TRPM3: variants seen among roughly 807,000 people sequenced by gnomAD.
TRPM3 encodes the protein long transient receptor potential channel 3.
A neutral mutation model predicts 181.2 loss-of-function variants in TRPM3; 77 were observed. The observed-to-expected ratio is 0.42, with a 90% CI of 0.35 to 0.51. The LOEUF is 0.51. TRPM3 is among the 20% of genes least tolerant of loss of function. The pLI is 0.01. For missense variants in TRPM3, 1,759 were observed against 2,196.7 expected, an observed-to-expected ratio of 0.80 and a Z score of 3.98; for synonymous variants, 745 against 796.4, an observed-to-expected ratio of 0.94 and a Z score of 1.09.
intron 1 of TRPM3, among the ~76,000 whole-genome samples, chr9:70,891,241 T>C (rs1589573236): frequency 2.0e-5 from 3 of 151,778 alleles, no homozygotes; most frequent in South Asian, 4.2e-4. Flanking sequence ...TGCATAGTCA[T>C]AGAAAATAAA....
intron 1 of TRPM3, among the ~76,000 whole-genome samples, chr9:71,184,890 C>T (rs1429762922): frequency 6.6e-6 from 1 of 152,094 alleles, no homozygotes; most frequent in Non-Finnish European, 1.5e-5. Flanking sequence ...GTTTGTTTCA[C>T]TCTTATAATA....
intron 1 of TRPM3, among the ~76,000 whole-genome samples, chr9:71,437,316 A>C (rs1414858383): frequency 6.6e-6 from 1 of 152,244 alleles, no homozygotes; most frequent in Non-Finnish European, 1.5e-5. Flanking sequence ...CAAACTCCAA[A>C]TAAAGGCCAG....
chr9:70,661,786 A>C (rs2061171056), intron 9 of TRPM3, among the ~76,000 whole-genome samples: 1 of 152,168 alleles, frequency 6.6e-6, no homozygotes, highest in African/African-American at 2.4e-5. Context: ...TGAAATAAAC[A>C]AATGGAAATA....
chr9:70,996,601 G>T (rs1429504790), intron 1 of TRPM3, among the ~76,000 whole-genome samples: 2 of 152,190 alleles, frequency 1.3e-5, no homozygotes, highest in Non-Finnish European at 2.9e-5. Flanking sequence ...TGGCTAAATC[G>T]CAATGTTAAA....
intron 21 of TRPM3, among the ~76,000 whole-genome samples, chr9:70,597,145 C>G (rs538521063): frequency 6.6e-6 from 1 of 152,106 alleles, no homozygotes; most frequent in Admixed American, 6.5e-5. Context: ...GTTGGTCAGG[C>G]TGGTCTCGAA....
At chr9:71,165,300 A>G (rs926681555) in intron 1 of TRPM3, among the ~76,000 whole-genome samples, 1 of 152,048 alleles carries the variant, frequency 6.6e-6, no homozygotes, top group Non-Finnish European at 1.5e-5. Context: ...CCTGGTCTAT[A>G]GATAGTAAGC....
At chr9:70,540,231 A>C (rs926143717) in intron 25 of TRPM3, among the ~76,000 whole-genome samples, 1 of 152,236 alleles carries the variant, frequency 6.6e-6, no homozygotes, top group Non-Finnish European at 1.5e-5. Flanking sequence ...TTTGCTTAAC[A>C]TACTTTAGGT....
intron 1 of TRPM3, among the ~76,000 whole-genome samples, chr9:71,270,521 G>T (rs2083711048): frequency 1.3e-5 from 2 of 152,076 alleles, no homozygotes; most frequent in Non-Finnish European, 2.9e-5. Flanking sequence ...CAACACCCAG[G>T]TTCCCCTGCC....
chr9:70,865,766 G>C (rs1289878139), intron 1 of TRPM3, among the ~76,000 whole-genome samples: 1 of 152,038 alleles, frequency 6.6e-6, no homozygotes, highest in Non-Finnish European at 1.5e-5. Context: ...ATTTTACAAG[G>C]AGCAACATGA....
intron 1 of TRPM3, among the ~76,000 whole-genome samples, chr9:71,134,890 AC>A (rs1183270079): frequency 2.0e-5 from 3 of 152,218 alleles, no homozygotes; most frequent in Non-Finnish European, 4.4e-5. Context: ...AGAGCTGTCC[AC>A]CTGGTACTAA....
intron 1 of TRPM3, among the ~76,000 whole-genome samples, chr9:70,964,049 G>C (rs978879320): frequency 1.3e-5 from 2 of 152,060 alleles, no homozygotes; most frequent in African/African-American, 2.4e-5. Context: ...AGTGACTACA[G>C]ATCAATTTAA....
intron 17 of TRPM3, 117 bp from the exon 18 acceptor site, chr9:70,616,192 G>A (rs919934616): frequency 3.1e-6 from 2 of 641,818 alleles, no homozygotes; most frequent in Non-Finnish European, 4.9e-6. Flanking sequence ...GTGTGTGTGT[G>A]TACACATGCA....
chr9:70,813,740 A>G (rs1445411331), intron 6 of TRPM3, among the ~76,000 whole-genome samples: 1 of 152,226 alleles, frequency 6.6e-6, no homozygotes, highest in Non-Finnish European at 1.5e-5. Flanking sequence ...TGGTTGAGGC[A>G]TGGGCTAAGA....
Position 70,625,911 on chromosome 9 carries a change from G to C in TRPM3, c.1633-394C>G, listed in dbSNP as rs1261389420. ...AAAAATTGACACTTTTTTCATAAAA[G>C]AAGAGCAATATTTAGGGAGGGGATT... On this transcript the variant is annotated intron_variant, in intron 12 of 25. Transcript: ENST00000677713. The surrounding 1 kb of genome is among the most constrained non-coding windows in gnomAD (Gnocchi z 4.8). Among the ~76,000 whole-genome samples the C allele has an allele frequency of 6.6e-6, 1 of 152,074 alleles. No individual in the cohort carries two copies. Among genetic ancestry groups the C allele is most frequent in the Admixed American group, 6.5e-5 (1 of 15,274 alleles).
Position 70,973,218 on chromosome 9 carries a change from T to C in TRPM3, c.178-108707A>G, listed in dbSNP as rs890672598. ...ATAATTACAGGTTGTGGGTGGTTAA[T>C]ATTAGTAGGGGACTCTTTTTATCAG... On this transcript the variant is annotated intron_variant, in intron 1 of 25. Transcript: ENST00000677713. Among the ~76,000 whole-genome samples the C allele has an allele frequency of 8.5e-5, 13 of 152,332 alleles. No individual in the cohort carries two copies. The South Asian group carries it at 2.7e-3, about 32-fold the overall frequency.
At chr9:70,796,901 G>A (rs1047951681) in intron 6 of TRPM3, among the ~76,000 whole-genome samples, 6 of 152,182 alleles carry the variant, frequency 3.9e-5, no homozygotes, top group Non-Finnish European at 8.8e-5. Context: ...GGCCTAGGCA[G>A]GAGGATCACT....
At chr9:70,765,699 T>C (rs766849239) in intron 7 of TRPM3, among the ~76,000 whole-genome samples, 4 of 152,220 alleles carry the variant, frequency 2.6e-5, no homozygotes, top group South Asian at 4.1e-4. Flanking sequence ...AGGCTTACTC[T>C]ATCTTCTCTG....
At chr9:71,214,107 G>A (rs774039694) in intron 1 of TRPM3, among the ~76,000 whole-genome samples, 2 of 152,116 alleles carry the variant, frequency 1.3e-5, no homozygotes, top group Non-Finnish European at 2.9e-5. Flanking sequence ...ATGCAGAAAT[G>A]AGTAATTATA....
At chr9:71,343,359 T>C (rs1316756092) in intron 1 of TRPM3, among the ~76,000 whole-genome samples, 1 of 152,120 alleles carries the variant, frequency 6.6e-6, no homozygotes, top group African/African-American at 2.4e-5. Flanking sequence ...CAATACAACT[T>C]CACTATCAGT....
Sources: allele counts gnomAD v4.1 joint callset (sites outside exome capture counted in the v4.1 genomes callset), GRCh38; gene constraint gnomAD v4.1.1; non-coding constraint Gnocchi (gnomAD v3.1); transcripts MANE v1.5; gene names NCBI Gene and HGNC (gene_info 2026-07-23, HGNC 2026-07-21).